MAL: variants seen among roughly 807,000 people sequenced by gnomAD.
MAL encodes the protein mal, T cell differentiation protein (MAL blood group), also known as myelin and lymphocyte protein.
A neutral mutation model predicts 16.7 loss-of-function variants in MAL; 5 were observed. That is an observed-to-expected ratio of 0.30 (90% CI 0.16 to 0.63). MAL has a LOEUF of 0.63. Among genes scored for constraint, MAL ranks in the 30% least tolerant of loss-of-function variants. The pLI is 0.82. For missense variants in MAL, 202 were observed against 195.8 expected (o/e 1.03, Z -0.19); for synonymous variants, 96 against 85.5 (o/e 1.12, Z -0.67).
At chr2:95,039,228 GTGAC>G (rs1674369471) in intron 1 of MAL, among the ~76,000 whole-genome samples, 4 of 150,700 alleles carry the variant, frequency 2.7e-5, no homozygotes, top group South Asian at 2.1e-4. Flanking sequence ...GAGTGAGTGA[GTGAC>G]TGAGTGACTG....
intron 1 of MAL, among the ~76,000 whole-genome samples, chr2:95,032,314 G>A (rs2104331698): frequency 6.6e-6 from 1 of 152,368 alleles, no homozygotes; most frequent in South Asian, 2.1e-4. Flanking sequence ...TTTGTCCTGG[G>A]CCCAGACACA....
At chr2:95,032,609 G>T (rs1033507170) in intron 1 of MAL, among the ~76,000 whole-genome samples, 9 of 152,206 alleles carry the variant, frequency 5.9e-5, no homozygotes, top group African/African-American at 2.2e-4. Flanking sequence ...GGAACGTTCT[G>T]GGGTGTGTGG....
intron 1 of MAL, among the ~76,000 whole-genome samples, chr2:95,037,772 GTGAGTGAC>G (rs1389255544): frequency 1.3e-5 from 2 of 151,720 alleles, no homozygotes; most frequent in Non-Finnish European, 2.9e-5. Context: ...GAGTGACTGA[GTGAGTGAC>G]TGAGTGACTG....
intron 1 of MAL, among the ~76,000 whole-genome samples, chr2:95,032,688 T>C (rs955106448): frequency 1.7e-4 from 26 of 152,144 alleles, no homozygotes; most frequent in African/African-American, 6.0e-4. Context: ...CCTCGTGGTC[T>C]CTCATCAATT....
chr2:95,030,290 G>T (rs1674045921), intron 1 of MAL, among the ~76,000 whole-genome samples: 1 of 152,194 alleles, frequency 6.6e-6, no homozygotes, highest in Non-Finnish European at 1.5e-5. Flanking sequence ...TATTGCAGGT[G>T]GTGTGGTCAT....
At position 95,047,979 on chromosome 2, in the gene MAL, G is replaced by T. The variant is rs751581717; in HGVS notation, c.114G>T (p.Trp38Cys). ...CGCAGATCTTCGGGGGCCTGGTGTG[G>T]ATCCTGGTGGCCTCCTCCCTGGTGC... is the stretch of plus-strand genomic sequence containing the variant. ...IFEFIFGGLV[W>C]ILVASSLVPW... Residue 38 changes from tryptophan to cysteine, a missense_variant, in exon 2 of 4, where the codon TGG becomes TGT. Physicochemically the swap from Trp to Cys is radical, Grantham distance 215. Coordinates refer to ENST00000309988, the MANE Select transcript of MAL (RefSeq NM_002371.4). 5.0e-6 allele frequency: 8 copies of T among 1,613,794 alleles called. No homozygotes were observed. The African/African-American group carries it at 1.1e-4, about 22-fold the overall frequency.
rs1026614060 is a variant in MAL, at chr2:95,039,889, A to G, written c.94-8070A>G. On this transcript the variant is annotated intron_variant, in intron 1 of 3. Coordinates refer to ENST00000309988, the MANE Select transcript of MAL (RefSeq NM_002371.4). Reference sequence around the variant, plus strand: ...ACTCCTTGCCTCTCAGAACTGGAACAGAGTCCCCTATCCTCCCTCTCAGAT... The same window carrying G: ...ACTCCTTGCCTCTCAGAACTGGAACGGAGTCCCCTATCCTCCCTCTCAGAT... Among the ~76,000 whole-genome samples, 6 of 152,152 alleles carry G rather than the reference A, an allele frequency of 3.9e-5. No homozygotes were observed. In the East Asian group the frequency reaches 7.7e-4, roughly 20 times the overall value.
At chr2:95,041,313 C>A (rs960656932) in intron 1 of MAL, among the ~76,000 whole-genome samples, 3 of 152,120 alleles carry the variant, frequency 2.0e-5, no homozygotes, top group African/African-American at 7.2e-5. Context: ...CTTCCTTGTG[C>A]GGGTCAGGCA....
chr2:95,027,305 G>T (rs141198927), intron 1 of MAL, among the ~76,000 whole-genome samples: 1 of 152,196 alleles, frequency 6.6e-6, no homozygotes, highest in Non-Finnish European at 1.5e-5. Context: ...TTACAGGGGC[G>T]TGGGAAACCT....
chr2:95,039,813 C>G (rs1674399811), intron 1 of MAL, among the ~76,000 whole-genome samples: 1 of 152,044 alleles, frequency 6.6e-6, no homozygotes, highest in Non-Finnish European at 1.5e-5. Flanking sequence ...TGAGTTCCTT[C>G]GTACCAGGAG....
intron 1 of MAL, among the ~76,000 whole-genome samples, chr2:95,042,570 T>C (rs1207418758): frequency 6.6e-6 from 1 of 152,130 alleles, no homozygotes; most frequent in Admixed American, 6.5e-5. Flanking sequence ...CTGGAGACCT[T>C]TGAGATCACC....
intron 1 of MAL, 138 bp from the exon 2 acceptor site, chr2:95,047,821 G>A: frequency 1.3e-6 from 1 of 794,606 alleles, no homozygotes; most frequent in Non-Finnish European, 2.0e-6. Flanking sequence ...TTTTGCAGAG[G>A]AAAATGCCTG....
chr2:95,051,960 C>G (rs1286015920), intron 3 of MAL: 1 of 152,336 alleles, frequency 6.6e-6, no homozygotes, highest in Non-Finnish European at 1.5e-5. Flanking sequence ...AGGCACCTCA[C>G]ACCCTCTCTC....
chr2:95,029,444 G>C (rs544569721), intron 1 of MAL, among the ~76,000 whole-genome samples: 9 of 152,196 alleles, frequency 5.9e-5, no homozygotes, highest in Non-Finnish European at 1.3e-4. Flanking sequence ...ATTATGTTCT[G>C]AGATTTATAC....
chr2:95,035,800 G>A (rs1674190852), intron 1 of MAL, among the ~76,000 whole-genome samples: 1 of 151,634 alleles, frequency 6.6e-6, no homozygotes, highest in Non-Finnish European at 1.5e-5. Flanking sequence ...CTCCTGAGTA[G>A]CTGGGACTAC....
intron 1 of MAL, among the ~76,000 whole-genome samples, chr2:95,038,515 G>GTGAGTGAGTGAGTGA: frequency 2.5e-5 from 1 of 39,868 alleles, no homozygotes; most frequent in Non-Finnish European, 5.4e-5. Flanking sequence ...TGAGTGAGTG[G>GTGAGTGAGTGAGTGA]GTGAGTGAGT....
chr2:95,051,259 C>T (rs1674708687), intron 3 of MAL: 1 of 152,194 alleles, frequency 6.6e-6, no homozygotes, highest in Non-Finnish European at 1.5e-5. Context: ...GGATTTCATA[C>T]AGCGAACTCC....
intron 1 of MAL, among the ~76,000 whole-genome samples, chr2:95,037,864 C>T (rs907481926): frequency 9.7e-5 from 12 of 123,602 alleles, no homozygotes; most frequent in African/African-American, 3.5e-4. Flanking sequence ...GAGTGACTGA[C>T]TGAGTGAGTG....
Position 95,025,762 on chromosome 2 carries a change from C to T in MAL, c.-31C>T, listed in dbSNP as rs763188371. The T allele has an allele frequency of 4.7e-6, 7 of 1,476,744 alleles. No homozygotes were observed. Among genetic ancestry groups the T allele is most frequent in the South Asian group, 3.9e-5 (3 of 76,402 alleles). 91.5% of individuals were successfully genotyped at this position (1,476,744 alleles called of 1,614,324 possible). A position where few individuals can be genotyped will look rare whatever the true frequency, so the allele number is the denominator to read the frequency against. On this transcript the variant is annotated 5_prime_UTR_variant, in exon 1 of 4. Transcript: ENST00000309988. The surrounding 1 kb of genome is among the most constrained non-coding windows in gnomAD (Gnocchi z 5.6). ...TGCGCGGAGTCTGAGCGGCGCTCGT[C>T]CCGTCCCAAGGCCGACGCCAGCACG...
Sources: gnomAD v4.1 joint callset for allele counts (sites outside exome capture counted in the v4.1 genomes callset) on GRCh38, gnomAD v4.1.1 for gene constraint, Gnocchi (gnomAD v3.1) non-coding constraint, MANE v1.5 for transcripts, NCBI Gene and HGNC (gene_info 2026-07-23, HGNC 2026-07-21) for gene names.